EPB41L4A: variants seen among roughly 807,000 people sequenced by gnomAD.
The protein encoded by EPB41L4A is erythrocyte membrane protein band 4.1 like 4A.
A neutral mutation model predicts 108.6 loss-of-function variants in EPB41L4A; 100 were observed. That is an observed-to-expected ratio of 0.92 (90% CI 0.78 to 1.09). The LOEUF (loss-of-function observed/expected upper bound fraction) is 1.09. Among genes scored for constraint, EPB41L4A ranks in the 50% least tolerant of loss-of-function variants. The probability of loss-of-function intolerance (pLI) is 0.00; values close to 1 mark genes in which losing one functional copy is unlikely to be tolerated. For synonymous variants in EPB41L4A, 319 were observed against 289.0 expected (o/e 1.10, Z -1.05); for missense variants, 1,030 against 842.7 (o/e 1.22, Z -2.75).
chr5:112,179,022 G>A (rs1761015238), intron 18 of EPB41L4A, among the ~76,000 whole-genome samples: 1 of 151,722 alleles, frequency 6.6e-6, no homozygotes, highest in African/African-American at 2.4e-5. Flanking sequence ...GAATTAAAGT[G>A]GTGATATCAC....
At chr5:112,375,766 G>A (rs1214734108) in intron 1 of EPB41L4A, among the ~76,000 whole-genome samples, 1 of 152,120 alleles carries the variant, frequency 6.6e-6, no homozygotes, top group Non-Finnish European at 1.5e-5. Context: ...TAATTACACT[G>A]TACATTGCAA....
At chr5:112,341,644 G>A (rs1408192736) in intron 1 of EPB41L4A, among the ~76,000 whole-genome samples, 1 of 152,120 alleles carries the variant, frequency 6.6e-6, no homozygotes, top group Non-Finnish European at 1.5e-5. Flanking sequence ...AGGTGCAGTT[G>A]CTCACGCCCA....
chr5:112,308,070 T>C (rs920426194), intron 1 of EPB41L4A, among the ~76,000 whole-genome samples: 3 of 152,182 alleles, frequency 2.0e-5, no homozygotes, highest in African/African-American at 7.2e-5. Flanking sequence ...AACTTTTCTT[T>C]TGGCTGCTTT....
intron 1 of EPB41L4A, among the ~76,000 whole-genome samples, chr5:112,399,096 C>T (rs1447275345): frequency 6.6e-6 from 1 of 152,110 alleles, no homozygotes; most frequent in Non-Finnish European, 1.5e-5. Context: ...ATCTAAACCA[C>T]CCACTTTCCA....
intron 2 of EPB41L4A, among the ~76,000 whole-genome samples, chr5:112,292,260 T>C (rs1170063940): frequency 2.0e-5 from 3 of 152,186 alleles, no homozygotes; most frequent in African/African-American, 7.2e-5. Flanking sequence ...TCATCTTTCC[T>C]CACAGTCCCA....
intron 1 of EPB41L4A, among the ~76,000 whole-genome samples, chr5:112,324,606 C>G (rs1235756591): frequency 6.6e-6 from 1 of 151,634 alleles, no homozygotes; most frequent in African/African-American, 2.4e-5. Flanking sequence ...GTCTGTAGTC[C>G]CAGTGACTCG....
intron 1 of EPB41L4A, among the ~76,000 whole-genome samples, chr5:112,390,162 C>A (rs915142183): frequency 1.3e-5 from 2 of 152,190 alleles, no homozygotes; most frequent in Non-Finnish European, 2.9e-5. Flanking sequence ...GCATTTCCAA[C>A]TGAGGTACCT....
At chr5:112,233,723 GTTGT>G (rs992897240) in intron 12 of EPB41L4A, among the ~76,000 whole-genome samples, 7 of 151,916 alleles carry the variant, frequency 4.6e-5, no homozygotes, top group Non-Finnish European at 5.9e-5. Flanking sequence ...GCTGTTTTTT[GTTGT>G]TTGTTTGTTT....
intron 2 of EPB41L4A, among the ~76,000 whole-genome samples, chr5:112,307,008 C>A (rs529028696): frequency 6.6e-6 from 1 of 151,980 alleles, no homozygotes; most frequent in African/African-American, 2.4e-5. Flanking sequence ...CTAACCATTC[C>A]CTTTCTTAAA....
At chr5:112,255,610 C>T (rs1181798920) in intron 9 of EPB41L4A, among the ~76,000 whole-genome samples, 1 of 152,168 alleles carries the variant, frequency 6.6e-6, no homozygotes, top group Non-Finnish European at 1.5e-5. Context: ...AATTACTGTT[C>T]CTTCTATCTC....
At position 112,395,119 on chromosome 5, in the gene EPB41L4A, T is replaced by C. The variant is rs536086229; in HGVS notation, c.99+23822A>G. Among the ~76,000 whole-genome samples the C allele has an allele frequency of 3.9e-5, 6 of 152,360 alleles. No homozygotes were observed. The South Asian group carries it at 1.2e-3, about 32-fold the overall frequency. On this transcript the variant is annotated intron_variant, in intron 1 of 22. Transcript: ENST00000261486. ...TCAAGATGGGTTAAAGACTTAAATG[T>C]TAGCCCTAAAACCATACGAACCCTA... is the stretch of plus-strand genomic sequence containing the variant.
intron 1 of EPB41L4A, among the ~76,000 whole-genome samples, chr5:112,406,220 A>G (rs6594594): frequency 0.09 from 13,747 of 152,134 alleles, 1,995 homozygotes; most frequent in African/African-American, 0.3. Flanking sequence ...TTAGCCTCCT[A>G]ATGATTGGTC....
intron 1 of EPB41L4A, among the ~76,000 whole-genome samples, chr5:112,376,057 G>A (rs1759799715): frequency 1.3e-5 from 2 of 152,178 alleles, no homozygotes; most frequent in African/African-American, 2.4e-5. Flanking sequence ...AATAACTGCT[G>A]CTAAGCAAAA....
rs1433602427 is a variant in EPB41L4A, at chr5:112,385,459, C to T, written c.99+33482G>A. Among the ~76,000 whole-genome samples, 4 of 150,756 alleles carry T rather than the reference C, an allele frequency of 2.7e-5. No homozygotes were observed. In the East Asian group the frequency reaches 7.8e-4, roughly 29 times the overall value. On this transcript the variant is annotated intron_variant, in intron 1 of 22. Transcript: ENST00000261486. ...AATCACAGAAAAGCCAATCCAGAGT[C>T]CTACGTTGTTAAGCCTCTGAACTGC...
At chr5:112,265,153 T>C (rs752007669) in intron 5 of EPB41L4A, 137 bp from the exon 6 acceptor site, 6 of 762,550 alleles carry the variant, frequency 7.9e-6, no homozygotes, top group Non-Finnish European at 1.2e-5. Flanking sequence ...ACTAAATAAT[T>C]TTACTAAAAC....
intron 1 of EPB41L4A, among the ~76,000 whole-genome samples, chr5:112,400,804 G>A (rs138532273): frequency 1.3e-3 from 199 of 152,266 alleles, no homozygotes; most frequent in South Asian, 2.3e-3. Context: ...CCTGACTAGT[G>A]TCAAGAAGGC....
At position 112,320,810 on chromosome 5, in the gene EPB41L4A, G is replaced by C. The variant is rs76923882; in HGVS notation, c.100-13320C>G. Among the ~76,000 whole-genome samples the C allele has an allele frequency of 5.9e-3, 895 of 152,264 alleles. 14 individuals carry two copies. The highest frequency in any genetic ancestry group is 0.021 in the African/African-American group (872 of 41,550). On this transcript the variant is annotated intron_variant, in intron 1 of 22. Transcript: ENST00000261486. ...AACCCAAAGCACATGGCAAAAATCA[G>C]CAGGAACATCCCTGCAGCTTCCCTG...
rs185961485 is a variant in EPB41L4A, at chr5:112,360,261, A to C, written c.100-52771T>G. Among the ~76,000 whole-genome samples, 23 of 152,180 alleles carry C rather than the reference A, an allele frequency of 1.5e-4. No individual in the cohort carries two copies. In the East Asian group the frequency reaches 3.5e-3, roughly 23 times the overall value. ...AACACAGCAAGACCCTGTCTCTACAAATAATAAACTGACCCTCGACCCTCT... is the reference window on the plus strand; with the variant it reads ...AACACAGCAAGACCCTGTCTCTACACATAATAAACTGACCCTCGACCCTCT... On this transcript the variant is annotated intron_variant, in intron 1 of 22. Transcript: ENST00000261486.
intron 9 of EPB41L4A, among the ~76,000 whole-genome samples, chr5:112,246,125 G>A (rs971513298): frequency 3.3e-5 from 5 of 152,206 alleles, no homozygotes; most frequent in Admixed American, 1.3e-4. Flanking sequence ...CTCCGGGCAG[G>A]GAGGGAAAGC....
Sources: gnomAD v4.1 joint callset for allele counts (sites outside exome capture counted in the v4.1 genomes callset) on GRCh38, gnomAD v4.1.1 for gene constraint, MANE v1.5 for transcripts, NCBI Gene and HGNC (gene_info 2026-07-23, HGNC 2026-07-21) for gene names.